The following MME variants were observed in gnomAD, a reference collection of about 807,000 sequenced individuals.
MME encodes membrane metalloendopeptidase, also known as neprilysin.
A neutral mutation model predicts 113.2 loss-of-function variants in MME; 98 were observed. The ratio of observed to expected loss-of-function variants is 0.87; its 90% CI spans 0.74 to 1.02. The LOEUF (loss-of-function observed/expected upper bound fraction) is 1.02. Among genes scored for constraint, MME ranks in the 50% least tolerant of loss-of-function variants. MME has a pLI of 0.00. For synonymous variants in MME, 292 were observed against 300.6 expected, an observed-to-expected ratio of 0.97 and a Z score of 0.30; for missense variants, 836 against 896.0, an observed-to-expected ratio of 0.93 and a Z score of 0.86.
At chr3:155,166,601 G>C (rs548960386) in intron 17 of MME, among the ~76,000 whole-genome samples, 7 of 152,274 alleles carry the variant, frequency 4.6e-5, no homozygotes, top group Non-Finnish European at 7.4e-5. Context: ...AAAGTGAATC[G>C]TGATGATAAA....
At chr3:155,148,284 T>A (rs1721674619) in intron 15 of MME, among the ~76,000 whole-genome samples, 1 of 152,168 alleles carries the variant, frequency 6.6e-6, no homozygotes, top group African/African-American at 2.4e-5. Context: ...TGAAGATTAA[T>A]GTCATTAATG....
chr3:155,135,946 C>A (rs977533741), intron 8 of MME, among the ~76,000 whole-genome samples: 19 of 152,136 alleles, frequency 1.2e-4, no homozygotes, highest in Admixed American at 1.2e-3. Context: ...TCAGCTTGAA[C>A]ATTATTGGTA....
At chr3:155,169,183 C>G (rs142264220) in intron 20 of MME, among the ~76,000 whole-genome samples, 2 of 152,110 alleles carry the variant, frequency 1.3e-5, no homozygotes, top group African/African-American at 2.4e-5. Context: ...AGAAACAGGA[C>G]CTTCAGTTTT....
chr3:155,065,358 C>T (rs1714352896), intron 1 of MME, among the ~76,000 whole-genome samples: 1 of 152,114 alleles, frequency 6.6e-6, no homozygotes, highest in Non-Finnish European at 1.5e-5. Flanking sequence ...TCTTAAGGAC[C>T]TACCAGAATG....
At chr3:155,108,800 T>G (rs6798179) in intron 3 of MME, among the ~76,000 whole-genome samples, 32,729 of 152,032 alleles carry the variant, frequency 0.22, 4,038 homozygotes, top group East Asian at 0.43. Flanking sequence ...CTCCAGGGAA[T>G]GCACATATAT....
intron 16 of MME, among the ~76,000 whole-genome samples, chr3:155,151,605 C>G (rs1467801369): frequency 1.3e-5 from 2 of 152,142 alleles, no homozygotes; most frequent in African/African-American, 4.8e-5. Flanking sequence ...CCTAAAAACA[C>G]AGCATTTGTC....
intron 17 of MME, among the ~76,000 whole-genome samples, chr3:155,162,111 G>C (rs990152060): frequency 2.1e-4 from 32 of 152,174 alleles, no homozygotes; most frequent in Non-Finnish European, 4.7e-4. Flanking sequence ...AAGGGATGCA[G>C]CTTCATTTCA....
intron 1 of MME, among the ~76,000 whole-genome samples, chr3:155,042,920 A>ATATATATATG (rs1713395546): frequency 3.3e-5 from 2 of 59,946 alleles, no homozygotes; most frequent in African/African-American, 7.3e-5. Context: ...ATATATATAT[A>ATATATATATG]TATATATATA....
Position 155,124,677 on chromosome 3 carries a change from C to T in MME, c.720+5866C>T, listed in dbSNP as rs992438602. Among the ~76,000 whole-genome samples the T allele has an allele frequency of 8.3e-3, 1,258 of 151,088 alleles. 12 individuals carry two copies. Among genetic ancestry groups the T allele is most frequent in the African/African-American group, 0.028 (1,172 of 41,228 alleles). On this transcript the variant is annotated intron_variant, in intron 8 of 22. Coordinates refer to ENST00000360490, the MANE Select transcript of MME (RefSeq NM_007289.4). Reference sequence around the variant, plus strand: ...CTGCAGGTCTGTTGGAATACCCTGCCGTGTGAGGTGTCAGTGTGCCCCTGC... The same window carrying T: ...CTGCAGGTCTGTTGGAATACCCTGCTGTGTGAGGTGTCAGTGTGCCCCTGC...
chr3:155,143,691 C>A, intron 13 of MME, 120 bp downstream of exon 13: 1 of 1,184,372 alleles, frequency 8.4e-7, no homozygotes, highest in Non-Finnish European at 1.2e-6. Flanking sequence ...GGCAGAGAAC[C>A]TCTGAATCAT....
chr3:155,084,994 A>G, intron 2 of MME, 65 bp from the exon 3 acceptor site: 1 of 1,180,402 alleles, frequency 8.5e-7, no homozygotes. Context: ...TAAAAGAACA[A>G]AAGAAAAATA....
chr3:155,102,174 G>A (rs914737579), intron 3 of MME, among the ~76,000 whole-genome samples: 1 of 152,180 alleles, frequency 6.6e-6, no homozygotes, highest in Non-Finnish European at 1.5e-5. Flanking sequence ...GTATCAGAAT[G>A]TTTTAAGATT....
In MME at chr3:155,143,462, C is replaced by G; in HGVS notation, c.1208C>G (p.Ser403Ter). The G allele has an allele frequency of 2.5e-6, 4 of 1,612,494 alleles. No individual in the cohort carries two copies. Among genetic ancestry groups the G allele is most frequent in the Non-Finnish European group, 3.4e-6 (4 of 1,178,808 alleles). ...AFRKALYGTT[S>*]ETATWRRCAN... ...CCGTAGGCCCTTTATGGTACAACCT[C>G]AGAAACAGCAACTTGGAGACGTTGT... Residue 403 changes from serine (S) to a stop codon, truncating the protein, a stop_gained, in exon 13 of 23, where the codon TCA (serine) becomes TGA (stop). Transcript: ENST00000360490. LOFTEE classifies it high-confidence loss of function.
At chr3:155,142,405 A>G (rs1158441334) in intron 12 of MME, 75 bp downstream of exon 12, 2 of 1,198,450 alleles carry the variant, frequency 1.7e-6, no homozygotes, top group Non-Finnish European at 2.5e-6. Context: ...TACCATGTAC[A>G]CTGCTAGGAC....
intron 3 of MME, among the ~76,000 whole-genome samples, chr3:155,110,472 A>T (rs1311787863): frequency 6.6e-6 from 1 of 152,214 alleles, no homozygotes; most frequent in African/African-American, 2.4e-5. Context: ...GGAATACAGT[A>T]ATTAATAACT....
chr3:155,030,572 CT>C (rs959868704), intron 1 of MME, among the ~76,000 whole-genome samples: 19 of 149,486 alleles, frequency 1.3e-4, no homozygotes, highest in African/African-American at 2.7e-4. Flanking sequence ...CTTTATCCAG[CT>C]TTTTTTTTTC....
At chr3:155,140,900 T>G (rs2016846) in intron 10 of MME, among the ~76,000 whole-genome samples, 54,985 of 151,778 alleles carry the variant, frequency 0.36, 10,457 homozygotes, top group South Asian at 0.56. Flanking sequence ...CTTCCCGTGT[T>G]CTCATCAAGG....
chr3:155,082,401 G>A (rs1322406191), intron 1 of MME, among the ~76,000 whole-genome samples: 1 of 152,116 alleles, frequency 6.6e-6, no homozygotes, highest in African/African-American at 2.4e-5. Context: ...ATGAAACATG[G>A]GGAGACTGGG....
At position 155,140,301 on chromosome 3, in the gene MME, T is replaced by A. The variant is rs1720967743; in HGVS notation, c.957+9T>A. The A allele has an allele frequency of 6.3e-7, 1 of 1,580,326 alleles. No homozygotes were observed. Among genetic ancestry groups the A allele is most frequent in the East Asian group, 2.2e-5 (1 of 44,556 alleles). The stretch of plus-strand genomic sequence containing the variant: ...TAGAGATCAATGGGAAGGTAAGTGG[T>A]AAGTTTTTTGTGCTCTCTTATTGTG... On this transcript the variant is annotated intron_variant, in intron 10 of 22. Transcript: ENST00000360490.
Sources: gnomAD v4.1 joint callset for allele counts (sites outside exome capture counted in the v4.1 genomes callset) on GRCh38, gnomAD v4.1.1 for gene constraint, MANE v1.5 for transcripts, NCBI Gene and HGNC (gene_info 2026-07-23, HGNC 2026-07-21) for gene names.